COL23A1: variants seen among roughly 807,000 people sequenced by gnomAD.
COL23A1 encodes collagen alpha-1(XXIII) chain.
Under a neutral mutation model 99.3 loss-of-function variants are expected in COL23A1, and 97 were observed. The ratio of observed to expected loss-of-function variants is 0.98; its 90% CI spans 0.83 to 1.16. COL23A1 has a LOEUF of 1.16. Ranked by LOEUF, COL23A1 falls within the 50% of genes most tolerant of loss-of-function variation. The pLI is 0.00. For synonymous variants in COL23A1, 320 were observed against 308.2 expected (o/e 1.04, Z -0.40); for missense variants, 762 against 757.4 (o/e 1.01, Z -0.07).
chr5:178,273,691 G>A (rs543981358), intron 5 of COL23A1, among the ~76,000 whole-genome samples: 4 of 152,258 alleles, frequency 2.6e-5, no homozygotes, highest in South Asian at 4.1e-4. Flanking sequence ...GGACAGAGCC[G>A]ACCCACAGCC....
chr5:178,357,358 C>G (rs1021739127), intron 2 of COL23A1, among the ~76,000 whole-genome samples: 1 of 152,160 alleles, frequency 6.6e-6, no homozygotes, highest in Non-Finnish European at 1.5e-5. Context: ...CCCCTGGGGT[C>G]GGGGGGTCAG....
chr5:178,347,169 G>A (rs1275558482), intron 2 of COL23A1, among the ~76,000 whole-genome samples: 1 of 152,192 alleles, frequency 6.6e-6, no homozygotes, highest in Non-Finnish European at 1.5e-5. Flanking sequence ...GGATGGAAAC[G>A]TCCGCTGAGC....
intron 2 of COL23A1, among the ~76,000 whole-genome samples, chr5:178,452,748 C>T (rs1313040487): frequency 6.6e-6 from 1 of 152,148 alleles, no homozygotes; most frequent in African/African-American, 2.4e-5. Flanking sequence ...CTCCAAGACA[C>T]AATTTTTTAC....
chr5:178,338,558 A>G (rs975560572), intron 2 of COL23A1, among the ~76,000 whole-genome samples: 2 of 152,108 alleles, frequency 1.3e-5, no homozygotes, highest in African/African-American at 4.8e-5. Context: ...GTCACCCAGC[A>G]CCGGGTATGG....
At chr5:178,449,060 G>T (rs1406329674) in intron 2 of COL23A1, among the ~76,000 whole-genome samples, 1 of 151,956 alleles carries the variant, frequency 6.6e-6, no homozygotes, top group Non-Finnish European at 1.5e-5. Flanking sequence ...GCAGTGTTAC[G>T]ATCAGAGTTC....
At chr5:178,273,044 T>C (rs1372007828) in intron 5 of COL23A1, among the ~76,000 whole-genome samples, 1 of 152,228 alleles carries the variant, frequency 6.6e-6, no homozygotes, top group Non-Finnish European at 1.5e-5. Flanking sequence ...CTGTCTGCAC[T>C]GCAGGCCCGT....
At position 178,281,080 on chromosome 5, in the gene COL23A1, G is replaced by A. The variant is rs912461135; in HGVS notation, c.441+7244C>T. Among the ~76,000 whole-genome samples the A allele has an allele frequency of 5.3e-5, 8 of 152,150 alleles. No homozygotes were observed. The highest frequency in any genetic ancestry group is 1.3e-4 in the Admixed American group (2 of 15,290). ...GCATCTCCCTGAGGTTCCAGTCTGC[G>A]TGCCATTATCAGGGACTCCGGAGTC... On this transcript the variant is annotated intron_variant, in intron 5 of 28. Coordinates refer to ENST00000390654, the MANE Select transcript of COL23A1 (RefSeq NM_173465.4). This position sits in a 1 kb window ranked among gnomAD's most constrained non-coding sequence, Gnocchi z 4.0.
chr5:178,274,114 T>A (rs1284882605), intron 5 of COL23A1, among the ~76,000 whole-genome samples: 2 of 152,212 alleles, frequency 1.3e-5, no homozygotes, highest in Non-Finnish European at 2.9e-5. Context: ...GCGGAACAGG[T>A]TTCTTTCCTG....
chr5:178,508,821 T>A (rs1057026686), intron 2 of COL23A1, among the ~76,000 whole-genome samples: 3 of 152,202 alleles, frequency 2.0e-5, no homozygotes, highest in African/African-American at 7.2e-5. Context: ...AGGTCACCAC[T>A]GTGTCATTCC....
intron 2 of COL23A1, among the ~76,000 whole-genome samples, chr5:178,359,684 G>C (rs1314787851): frequency 6.6e-6 from 1 of 152,250 alleles, no homozygotes; most frequent in Non-Finnish European, 1.5e-5. Flanking sequence ...CGCTGGCTCT[G>C]TATGTCCAGC....
chr5:178,516,812 C>T (rs1350624733), intron 2 of COL23A1, among the ~76,000 whole-genome samples: 1 of 152,174 alleles, frequency 6.6e-6, no homozygotes, highest in Admixed American at 6.5e-5. Context: ...CCTTGTCCAC[C>T]CCATGATCCC....
At chr5:178,444,795 G>GAAAAC (rs1767069340) in intron 2 of COL23A1, among the ~76,000 whole-genome samples, 2 of 152,014 alleles carry the variant, frequency 1.3e-5, no homozygotes, top group Admixed American at 1.3e-4. Flanking sequence ...GACTTTTTGT[G>GAAAAC]AAAACAAAAC....
intron 2 of COL23A1, among the ~76,000 whole-genome samples, chr5:178,517,910 T>G (rs2128000870): frequency 7.1e-6 from 1 of 139,996 alleles, no homozygotes; most frequent in East Asian, 2.2e-4. Context: ...TTTAATTTAT[T>G]TTTTTATTGA....
chr5:178,353,780 A>C (rs1364559969), intron 2 of COL23A1, among the ~76,000 whole-genome samples: 1 of 152,190 alleles, frequency 6.6e-6, no homozygotes, highest in African/African-American at 2.4e-5. Flanking sequence ...CAGCAGGTCT[A>C]CATCTAGGAA....
rs1764205247 is a variant in COL23A1 at position 178,590,276 on chromosome 5, A to ACAGCC, written c.-84_-80dup. 8.7e-7 allele frequency: 1 copy of ACAGCC among 1,148,336 alleles called. No individual in the cohort carries two copies. The highest frequency in any genetic ancestry group is 4.4e-5 in the Admixed American group (1 of 22,556). The allele number at this position is 1,148,336 out of a possible 1,614,324, so 71.1% of individuals were successfully genotyped here. On this transcript the variant is annotated 5_prime_UTR_variant, in exon 1 of 29. Transcript: ENST00000390654. This position sits in a 1 kb window ranked among gnomAD's most constrained non-coding sequence, Gnocchi z 5.7. The stretch of plus-strand genomic sequence containing the variant: ...GCTGGGTGCGAGAGGAGCAGGCGGG[A>ACAGCC]CAGCCCGAGGCACGAGGTCCGCCGG...
intron 3 of COL23A1, among the ~76,000 whole-genome samples, chr5:178,300,648 C>T (rs1005225630): frequency 6.6e-6 from 1 of 151,954 alleles, no homozygotes; most frequent in Non-Finnish European, 1.5e-5. Flanking sequence ...CTCCCAGGTC[C>T]GAGAGATTCA....
intron 5 of COL23A1, among the ~76,000 whole-genome samples, chr5:178,271,827 C>G (rs895095840): frequency 6.6e-6 from 1 of 152,112 alleles, no homozygotes; most frequent in Non-Finnish European, 1.5e-5. Context: ...GCGGGGAGGG[C>G]CCTGTAAGCA....
chr5:178,286,359 C>T (rs1757150231), intron 5 of COL23A1, among the ~76,000 whole-genome samples: 1 of 152,160 alleles, frequency 6.6e-6, no homozygotes, highest in Non-Finnish European at 1.5e-5. Flanking sequence ...GCCTGAGGGA[C>T]GCCCGCGGGG....
At chr5:178,258,677 C>A (rs1009429603) in intron 12 of COL23A1, among the ~76,000 whole-genome samples, 2 of 151,828 alleles carry the variant, frequency 1.3e-5, no homozygotes, top group Non-Finnish European at 2.9e-5. Context: ...TTACAGGCGT[C>A]AGCCACCGCT....
Sources: gnomAD v4.1 joint callset for allele counts (sites outside exome capture counted in the v4.1 genomes callset) on GRCh38, gnomAD v4.1.1 for gene constraint, Gnocchi (gnomAD v3.1) non-coding constraint, MANE v1.5 for transcripts, NCBI Gene and HGNC (gene_info 2026-07-23, HGNC 2026-07-21) for gene names.